DIP2C: variants seen among roughly 807,000 people sequenced by gnomAD.
The protein encoded by DIP2C is disco-interacting protein 2 homolog C.
A neutral mutation model predicts 192.4 loss-of-function variants in DIP2C; 33 were observed. That is an observed-to-expected ratio of 0.17 (90% CI 0.13 to 0.23). DIP2C has a LOEUF of 0.23. DIP2C is among the 10% of genes least tolerant of loss of function. The pLI, the probability that DIP2C is intolerant of heterozygous loss-of-function variation, is 1.00. For missense variants in DIP2C, 1,537 were observed against 2,110.1 expected (o/e 0.73, Z 5.32); for synonymous variants, 979 against 864.1 (o/e 1.13, Z -2.33).
At chr10:509,906 G>A (rs1363027488) in intron 1 of DIP2C, among the ~76,000 whole-genome samples, 3 of 152,216 alleles carry the variant, frequency 2.0e-5, no homozygotes, top group Admixed American at 1.3e-4. Flanking sequence ...ATCAGGCTAA[G>A]CAGCAAGAGG....
intron 1 of DIP2C, among the ~76,000 whole-genome samples, chr10:658,000 G>A (rs1219905629): frequency 6.7e-6 from 1 of 150,154 alleles, no homozygotes; most frequent in Non-Finnish European, 1.5e-5. Context: ...CCTGCCACTG[G>A]ACCTGACCCT....
At chr10:344,962 C>T in intron 27 of DIP2C, 37 bp downstream of exon 27, 1 of 1,606,006 alleles carries the variant, frequency 6.2e-7, no homozygotes. Context: ...CTGAGCAAGG[C>T]CGTGAGCAAA....
chr10:464,219 T>C (rs536284601), intron 3 of DIP2C, among the ~76,000 whole-genome samples: 1 of 152,186 alleles, frequency 6.6e-6, no homozygotes, highest in Non-Finnish European at 1.5e-5. Flanking sequence ...ACCTACAGAA[T>C]GGGAGAAAAT....
rs556567943 is a variant in DIP2C, at chr10:533,698, A to C, written c.86-47168T>G. 2.0e-5 allele frequency among the ~76,000 whole-genome samples: 3 copies of C among 151,524 alleles called. No homozygotes were observed. The South Asian group carries it at 6.3e-4, about 32-fold the overall frequency. On this transcript the variant is annotated intron_variant, in intron 1 of 36. Coordinates refer to ENST00000280886, the MANE Select transcript of DIP2C (RefSeq NM_014974.3). ...CCTCCCTCACAACTAGTCCACAGGG[A>C]AATTTCTCATGGACAGAGAACAGAA...
At position 354,958 on chromosome 10, in the gene DIP2C, G is replaced by A. The variant is rs533292824; in HGVS notation, c.2985+1468C>T. ...GGAAATCAAGACAGCACCCAAGGCC[G>A]GCGAACCTGGCGATCGGGTTAGCAA... On this transcript the variant is annotated intron_variant, in intron 24 of 36. Coordinates refer to ENST00000280886, the MANE Select transcript of DIP2C (RefSeq NM_014974.3). Among the ~76,000 whole-genome samples the A allele has an allele frequency of 2.3e-4, 35 of 151,852 alleles. No individual in the cohort carries two copies. In the South Asian group the frequency reaches 6.7e-3, roughly 29 times the overall value.
chr10:288,349 TC>T lies in DIP2C; in HGVS notation c.4044+14del, dbSNP rs763130099. ...AACGGATACAGAAATGCGTGCCTCTTCCTATAATACTTACCTTTCCCGATTC... is the reference window on the plus strand; with the variant it reads ...AACGGATACAGAAATGCGTGCCTCTTCTATAATACTTACCTTTCCCGATTC... On this transcript the variant is annotated intron_variant, in intron 33 of 36. Transcript: ENST00000280886. 3 of 1,612,626 alleles carry T rather than the reference TC, an allele frequency of 1.9e-6. No homozygotes were observed. The highest frequency in any genetic ancestry group is 2.2e-5 in the South Asian group (2 of 90,718).
chr10:493,591 G>A (rs996519882), intron 1 of DIP2C, among the ~76,000 whole-genome samples: 3 of 152,172 alleles, frequency 2.0e-5, no homozygotes, highest in African/African-American at 7.2e-5. Flanking sequence ...GCCGCCGTGG[G>A]CCTCATGGCT....
chr10:476,038 T>C (rs372651406), intron 2 of DIP2C, among the ~76,000 whole-genome samples: 10 of 152,176 alleles, frequency 6.6e-5, no homozygotes, highest in Admixed American at 2.6e-4. Context: ...GGAACTGTGA[T>C]TGAAAACCAG....
intron 1 of DIP2C, among the ~76,000 whole-genome samples, chr10:619,590 C>T (rs540070191): frequency 4.5e-5 from 6 of 133,000 alleles, no homozygotes; most frequent in African/African-American, 1.4e-4. Context: ...AATATAGATT[C>T]CACTTTAACT....
chr10:647,732 G>T (rs887034304), intron 1 of DIP2C, among the ~76,000 whole-genome samples: 34 of 150,954 alleles, frequency 2.3e-4, no homozygotes, highest in Non-Finnish European at 4.3e-4. Context: ...AGAGAACAGA[G>T]GGAAACTGAG....
chr10:541,734 C>T (rs1848000980), intron 1 of DIP2C, among the ~76,000 whole-genome samples: 1 of 150,208 alleles, frequency 6.7e-6, no homozygotes, highest in South Asian at 2.1e-4. Context: ...ACAGCATGAC[C>T]CTCCACACTG....
chr10:335,525 G>C (rs1957718429), intron 29 of DIP2C, among the ~76,000 whole-genome samples: 1 of 152,064 alleles, frequency 6.6e-6, no homozygotes, highest in South Asian at 2.1e-4. Context: ...TGCCCAGAGC[G>C]AGTTTCTGGA....
At chr10:570,185 G>T (rs2131519811) in intron 1 of DIP2C, among the ~76,000 whole-genome samples, 1 of 152,284 alleles carries the variant, frequency 6.6e-6, no homozygotes, top group African/African-American at 2.4e-5. Context: ...GCCTGTCATT[G>T]CCACCATAGC....
chr10:295,442 T>A (rs1955703221), intron 32 of DIP2C, among the ~76,000 whole-genome samples: 1 of 151,144 alleles, frequency 6.6e-6, no homozygotes, highest in African/African-American at 2.4e-5. Context: ...GCGCCTGTAA[T>A]CCCAGCTACT....
intron 1 of DIP2C, among the ~76,000 whole-genome samples, chr10:681,473 T>G (rs914767692): frequency 7.6e-5 from 9 of 118,902 alleles, no homozygotes; most frequent in Non-Finnish European, 1.6e-4. Context: ...CCAGGGAACA[T>G]AGACCCCAGT....
chr10:404,886 T>C (rs890672007), intron 9 of DIP2C, among the ~76,000 whole-genome samples: 2 of 152,266 alleles, frequency 1.3e-5, no homozygotes, highest in African/African-American at 4.8e-5. Flanking sequence ...ATGAGTGTCA[T>C]GTGACGGACT....
chr10:312,880 AAT>A (rs1428078159), intron 31 of DIP2C, among the ~76,000 whole-genome samples: 1 of 152,204 alleles, frequency 6.6e-6, no homozygotes, highest in African/African-American at 2.4e-5. Context: ...CAAAAATAAA[AAT>A]AAGTCAACAT....
intron 21 of DIP2C, 79 bp from the exon 22 acceptor site, chr10:362,770 C>A: frequency 7.0e-7 from 1 of 1,424,202 alleles, no homozygotes; most frequent in East Asian, 2.3e-5. Flanking sequence ...AAAATATGAT[C>A]CACAATACAC....
intron 1 of DIP2C, among the ~76,000 whole-genome samples, chr10:686,768 C>A (rs1165717737): frequency 1.3e-5 from 2 of 152,260 alleles, no homozygotes; most frequent in African/African-American, 2.4e-5. Flanking sequence ...CTCGGCCCCG[C>A]AGCAGGAAGT....
Sources: gnomAD v4.1 joint callset for allele counts (sites outside exome capture counted in the v4.1 genomes callset) on GRCh38, gnomAD v4.1.1 for gene constraint, MANE v1.5 for transcripts, NCBI Gene and HGNC (gene_info 2026-07-23, HGNC 2026-07-21) for gene names.